ARSG: variants seen among roughly 807,000 people sequenced by gnomAD.
ARSG encodes arylsulfatase G.
A neutral mutation model predicts 50.5 loss-of-function variants in ARSG; 37 were observed. The ratio of observed to expected loss-of-function variants is 0.73; its 90% confidence interval spans 0.56 to 0.96. The LOEUF (loss-of-function observed/expected upper bound fraction) is 0.96. Ranked by LOEUF, ARSG falls within the 50% of genes least tolerant of loss-of-function variation. ARSG has a pLI of 0.00. For missense variants in ARSG, 629 were observed against 675.3 expected (o/e 0.93, Z 0.76); for synonymous variants, 225 against 254.6 (o/e 0.88, Z 1.11).
At chr17:68,266,617 C>G (rs2075172203) in intron 1 of ARSG, among the ~76,000 whole-genome samples, 1 of 151,460 alleles carries the variant, frequency 6.6e-6, no homozygotes, top group Admixed American at 6.6e-5. Flanking sequence ...TGAAGCCAAC[C>G]TGGCCAACAT....
chr17:68,275,763 C>T (rs564891180), intron 1 of ARSG, among the ~76,000 whole-genome samples: 7 of 152,102 alleles, frequency 4.6e-5, no homozygotes, highest in East Asian at 1.9e-4. Context: ...AGGTGGATCA[C>T]GAGTTCAGGA....
At chr17:68,333,588 A>G (rs1426964295) in intron 2 of ARSG, among the ~76,000 whole-genome samples, 1 of 151,600 alleles carries the variant, frequency 6.6e-6, no homozygotes, top group Non-Finnish European at 1.5e-5. Flanking sequence ...AGATCGTGCC[A>G]TTGCACTCCA....
At chr17:68,338,555 C>G (rs2078130116) in intron 2 of ARSG, among the ~76,000 whole-genome samples, 1 of 152,188 alleles carries the variant, frequency 6.6e-6, no homozygotes, top group African/African-American at 2.4e-5. Flanking sequence ...GGATACCTGA[C>G]TGCATAGTGC....
chr17:68,356,435 C>T lies in ARSG; in HGVS notation c.567-232C>T, dbSNP rs147724108. The stretch of plus-strand genomic sequence containing the variant: ...TGTCCCTAGCTCACGAGAGTCTTTG[C>T]AAGCTTTACAGAGTGGTCAGCTCGT... On this transcript the variant is annotated intron_variant, in intron 5 of 11. Transcript: ENST00000621439. 7.2e-5 allele frequency among the ~76,000 whole-genome samples: 11 copies of T among 152,306 alleles called. No individual in the cohort carries two copies. The East Asian group carries it at 2.1e-3, about 29-fold the overall frequency.
Position 68,368,676 on chromosome 17 carries a change from G to A in ARSG, c.833G>A (p.Ser278Asn), listed in dbSNP as rs879013246. ...GGTGCAGGGCTCTGGGAGATGGACA[G>A]TCTGGTGGGCCAGATCAAGGACAAA... ...LYGAGLWEMD[S>N]LVGQIKDKVD... The change falls in exon 7 of 12, where the codon AGT (serine) becomes AAT (asparagine). Residue 278 changes from serine (S) to asparagine (N), a missense_variant. Ser to Asn is a conservative substitution (Grantham distance 46). Coordinates refer to ENST00000621439, the MANE Select transcript of ARSG (RefSeq NM_001267727.2). The A allele has an allele frequency of 6.2e-7, 1 of 1,614,168 alleles. No homozygotes were observed. The highest frequency in any genetic ancestry group is 8.5e-7 in the Non-Finnish European group (1 of 1,180,006).
chr17:68,426,252 G>GGGGGGGGGGGA, downstream of ARSG: 2 of 828,188 alleles, frequency 2.4e-6, no homozygotes, highest in Non-Finnish European at 3.8e-6. Flanking sequence ...TGGGGAGCGG[G>GGGGGGGGGGGA]GGCTCAAATA....
intron 2 of ARSG, among the ~76,000 whole-genome samples, chr17:68,308,440 G>A (rs1457388795): frequency 9.9e-5 from 15 of 152,126 alleles, no homozygotes; most frequent in South Asian, 6.2e-4. Context: ...AAGGCGGTGC[G>A]TCTGGAGTTG....
intron 1 of ARSG, among the ~76,000 whole-genome samples, chr17:68,301,117 CA>C (rs782154030): frequency 0.027 from 2,522 of 91,754 alleles, 36 homozygotes; most frequent in African/African-American, 0.082. Context: ...GACTCCGTCT[CA>C]AAAAAAAAAA....
chr17:68,282,780 A>G (rs1555753228), intron 1 of ARSG, among the ~76,000 whole-genome samples: 1 of 74,472 alleles, frequency 1.3e-5, no homozygotes, highest in Non-Finnish European at 2.6e-5. Flanking sequence ...CATCTCTACT[A>G]AAAAAAAAAA....
the ARSG span, chr17:68,450,683 C>T: frequency 6.4e-7 from 1 of 1,557,714 alleles, no homozygotes; most frequent in East Asian, 2.3e-5. Context: ...TTGTTTGGCT[C>T]CCGTTAGCAG....
chr17:68,444,695 T>G, the ARSG span: 6 of 869,708 alleles, frequency 6.9e-6, no homozygotes, highest in Non-Finnish European at 1.0e-5. Context: ...ATTCTAAGCC[T>G]AAAGCAGAAT....
Position 68,395,194 on chromosome 17 carries a change from G to A in ARSG, c.1212+1G>A. The A allele has an allele frequency of 6.2e-7, 1 of 1,613,858 alleles. No homozygotes were observed. Among genetic ancestry groups the A allele is most frequent in the South Asian group, 1.1e-5 (1 of 91,074 alleles). On this transcript the variant is annotated splice_donor_variant, in intron 10 of 11. Coordinates refer to ENST00000621439, the MANE Select transcript of ARSG (RefSeq NM_001267727.2). LOFTEE classifies it high-confidence loss of function. ...TGGCCGGTCACAGCCTGGGCACAGG[G>A]TAAGTGGAGGAGGTACTTGCCCACA... is the stretch of plus-strand genomic sequence containing the variant.
chr17:68,350,978 G>C (rs2078735565), intron 4 of ARSG, among the ~76,000 whole-genome samples: 1 of 152,042 alleles, frequency 6.6e-6, no homozygotes, highest in Non-Finnish European at 1.5e-5. Context: ...TTGAGTCCCA[G>C]CTGAAAGGCA....
At chr17:68,365,306 C>T (rs747147465) in intron 6 of ARSG, among the ~76,000 whole-genome samples, 1 of 152,120 alleles carries the variant, frequency 6.6e-6, no homozygotes, top group Non-Finnish European at 1.5e-5. Context: ...AGCGAGACTC[C>T]GTCTCAGAAA....
chr17:68,408,263 A>C (rs2081830949), intron 11 of ARSG, among the ~76,000 whole-genome samples: 1 of 131,276 alleles, frequency 7.6e-6, no homozygotes, highest in African/African-American at 2.8e-5. Context: ...TCCCAATGCT[A>C]TCCCTCCCCC....
At chr17:68,300,599 C>T (rs1555761428) in intron 1 of ARSG, among the ~76,000 whole-genome samples, 1 of 152,138 alleles carries the variant, frequency 6.6e-6, no homozygotes, top group African/African-American at 2.4e-5. Context: ...CATCTCCTCT[C>T]TCTGATCTGT....
intron 1 of ARSG, among the ~76,000 whole-genome samples, chr17:68,300,349 T>G (rs1244818519): frequency 3.3e-5 from 5 of 152,200 alleles, no homozygotes; most frequent in Non-Finnish European, 5.9e-5. Flanking sequence ...TGAATTGAAA[T>G]GTTGGGTAAG....
chr17:68,411,225 A>G (rs1385201827), intron 11 of ARSG, among the ~76,000 whole-genome samples: 1 of 152,096 alleles, frequency 6.6e-6, no homozygotes, highest in African/African-American at 2.4e-5. Context: ...TAGGGTGTCA[A>G]TTTTAGATCT....
intron 2 of ARSG, among the ~76,000 whole-genome samples, chr17:68,308,165 C>T (rs1209424836): frequency 6.6e-5 from 10 of 152,108 alleles, no homozygotes; most frequent in African/African-American, 1.9e-4. Flanking sequence ...AATTAGCTAG[C>T]GGTGGTGGCA....
Sources: gnomAD v4.1 joint callset for allele counts (sites outside exome capture counted in the v4.1 genomes callset) on GRCh38, gnomAD v4.1.1 for gene constraint, MANE v1.5 for transcripts, NCBI Gene and HGNC (gene_info 2026-07-23, HGNC 2026-07-21) for gene names.